Variants in MMP24 observed in about 807,000 individuals in gnomAD.
The protein encoded by MMP24 is matrix metallopeptidase 24, also known as matrix metalloproteinase-24.
In MMP24, 25 loss-of-function variants were observed where a neutral mutation model predicts 62.8. That is an observed-to-expected ratio of 0.40 (90% CI 0.29 to 0.56). The LOEUF (loss-of-function observed/expected upper bound fraction) is 0.56. Among genes scored for constraint, MMP24 ranks in the 20% least tolerant of loss-of-function variants. The pLI is 0.50. For synonymous variants in MMP24, 319 were observed against 350.5 expected (o/e 0.91, Z 1.00); for missense variants, 634 against 853.6 (o/e 0.74, Z 3.21).
intron 1 of MMP24, among the ~76,000 whole-genome samples, chr20:35,236,764 A>T (rs533303891): frequency 6.6e-6 from 1 of 152,298 alleles, no homozygotes; most frequent in African/African-American, 2.4e-5. Context: ...ACCTAAGATC[A>T]GGAGTTCGAG....
chr20:35,237,398 C>T (rs1483998058), intron 1 of MMP24, among the ~76,000 whole-genome samples: 1 of 152,194 alleles, frequency 6.6e-6, no homozygotes, highest in Non-Finnish European at 1.5e-5. Context: ...CTCCCAACAC[C>T]TTCTCTGACT....
At chr20:35,254,350 A>C in intron 3 of MMP24, 100 bp from the exon 4 acceptor site, 7 of 1,229,912 alleles carry the variant, frequency 5.7e-6, no homozygotes, top group Non-Finnish European at 8.0e-6. Context: ...TCTAGGGTTC[A>C]AAATCAGATC....
chr20:35,255,953 A>G (rs2060572589), intron 4 of MMP24: 1 of 152,110 alleles, frequency 6.6e-6, no homozygotes. Flanking sequence ...CACGTAAGTA[A>G]CCCTGTCATA....
chr20:35,245,755 G>A (rs983557683), intron 1 of MMP24, among the ~76,000 whole-genome samples: 4 of 148,654 alleles, frequency 2.7e-5, no homozygotes, highest in Non-Finnish European at 4.4e-5. Context: ...GGCCATATAT[G>A]TATATTTCTG....
intron 1 of MMP24, among the ~76,000 whole-genome samples, chr20:35,246,254 A>T (rs1411701323): frequency 6.6e-6 from 1 of 151,296 alleles, no homozygotes; most frequent in Admixed American, 6.6e-5. Flanking sequence ...GGAGATCGAG[A>T]CCATCCTGGG....
chr20:35,272,848 A>G (rs1359871829), intron 8 of MMP24, among the ~76,000 whole-genome samples: 4 of 152,212 alleles, frequency 2.6e-5, no homozygotes, highest in Non-Finnish European at 5.9e-5. Flanking sequence ...TAATAACAGT[A>G]CCTACCTTTA....
chr20:35,264,539 AAAAC>A (rs1333638859), intron 5 of MMP24, among the ~76,000 whole-genome samples: 1 of 151,738 alleles, frequency 6.6e-6, no homozygotes, highest in Non-Finnish European at 1.5e-5. Flanking sequence ...CAAAAATATT[AAAAC>A]AAACAAACAA....
chr20:35,274,745 G>A lies in MMP24; in HGVS notation c.*136G>A. On this transcript the variant is annotated 3_prime_UTR_variant, in exon 9 of 9. Transcript: ENST00000246186. The surrounding 1 kb of genome is among the most constrained non-coding windows in gnomAD (Gnocchi z 5.1). ...TGGGGTCGTACAGCTGAAGTGGTGG[G>A]TGCATTGGCCTAGGCTGAGCGTGGG... is the stretch of plus-strand genomic sequence containing the variant. 1.3e-6 allele frequency: 1 copy of A among 781,988 alleles called. No individual in the cohort carries two copies. Among genetic ancestry groups the A allele is most frequent in the East Asian group, 2.7e-5 (1 of 37,146 alleles). 48.4% of individuals were successfully genotyped at this position (781,988 alleles called of 1,614,324 possible).
chr20:35,238,252 G>A (rs528834382), intron 1 of MMP24, among the ~76,000 whole-genome samples: 15 of 152,332 alleles, frequency 9.8e-5, no homozygotes, highest in Middle Eastern at 3.4e-3. Flanking sequence ...TGTCCATTTC[G>A]TCATGGTTAT....
At chr20:35,249,748 C>A (rs1176707433) in intron 2 of MMP24, among the ~76,000 whole-genome samples, 2 of 151,836 alleles carry the variant, frequency 1.3e-5, no homozygotes, top group African/African-American at 4.8e-5. Context: ...GCCACCACGC[C>A]CGGCTAATTT....
At chr20:35,273,033 A>G (rs184678793) in intron 8 of MMP24, among the ~76,000 whole-genome samples, 6 of 152,288 alleles carry the variant, frequency 3.9e-5, no homozygotes. Context: ...ATAATAATAG[A>G]CAGCTTGTGT....
At chr20:35,239,318 T>C (rs2146204825) in intron 1 of MMP24, among the ~76,000 whole-genome samples, 1 of 152,270 alleles carries the variant, frequency 6.6e-6, no homozygotes, top group East Asian at 1.9e-4. Flanking sequence ...ATTACAGGCA[T>C]GAGCCACCAC....
intron 4 of MMP24, chr20:35,263,180 T>C (rs1490214039): frequency 6.6e-6 from 1 of 152,050 alleles, no homozygotes; most frequent in African/African-American, 2.4e-5. Flanking sequence ...GCCAGAGTGA[T>C]TTAATTGTAT....
intron 3 of MMP24, among the ~76,000 whole-genome samples, chr20:35,253,672 T>C (rs752433418): frequency 2.5e-4 from 38 of 152,098 alleles, no homozygotes; most frequent in Admixed American, 5.2e-4. Context: ...GCTAAACCTA[T>C]AATGGATTAA....
At chr20:35,247,024 T>C (rs748691447) in intron 2 of MMP24, 36 bp downstream of exon 2, 1 of 1,611,722 alleles carries the variant, frequency 6.2e-7, no homozygotes, top group African/African-American at 1.3e-5. Context: ...CTTTGAACTT[T>C]CTGGACTTAC....
chr20:35,274,603 G>A lies in MMP24; in HGVS notation c.1932G>A (p.Trp644Ter), dbSNP rs763336541. Residue 644 changes from tryptophan (W) to a stop codon, truncating the protein, a stop_gained, in exon 9 of 9, where the codon TGG (tryptophan) becomes TGA (stop). Transcript: ENST00000246186. LOFTEE classifies it high-confidence loss of function. The surrounding 1 kb of genome is among the most constrained non-coding windows in gnomAD (Gnocchi z 5.1). ...ACTATAAGCGGCCAGTCCAGGAATG[G>A]GTGTGAGCAGCCCAGAGCCCTCTCT... is the stretch of plus-strand genomic sequence containing the variant. ...VTYYKRPVQE[W>*]V 1 of 1,607,432 alleles carries A rather than the reference G, an allele frequency of 6.2e-7. No homozygotes were observed. The highest frequency in any genetic ancestry group is 1.1e-5 in the South Asian group (1 of 90,156).
chr20:35,252,576 G>A (rs1030467765), intron 3 of MMP24, among the ~76,000 whole-genome samples: 1 of 152,172 alleles, frequency 6.6e-6, no homozygotes, highest in Non-Finnish European at 1.5e-5. Context: ...GATTCCCAAC[G>A]CAGAGTTCCA....
intron 1 of MMP24, among the ~76,000 whole-genome samples, chr20:35,227,719 C>T (rs1309885757): frequency 2.0e-5 from 3 of 152,146 alleles, no homozygotes; most frequent in South Asian, 2.1e-4. Flanking sequence ...TGAACACTCA[C>T]TATGTGCCAG....
At chr20:35,268,725 T>A (rs1312494841) in intron 6 of MMP24, among the ~76,000 whole-genome samples, 1 of 152,112 alleles carries the variant, frequency 6.6e-6, no homozygotes, top group Non-Finnish European at 1.5e-5. Flanking sequence ...CATTTACACA[T>A]AAGAAAACTG....
Sources: gnomAD v4.1 joint callset for allele counts (sites outside exome capture counted in the v4.1 genomes callset) on GRCh38, gnomAD v4.1.1 for gene constraint, Gnocchi (gnomAD v3.1) non-coding constraint, MANE v1.5 for transcripts, NCBI Gene and HGNC (gene_info 2026-07-23, HGNC 2026-07-21) for gene names.